The following CDH1 variants were observed in gnomAD, a reference collection of about 807,000 sequenced individuals.
CDH1 encodes cadherin-1.
A neutral mutation model predicts 84.5 loss-of-function variants in CDH1; 35 were observed. The observed-to-expected ratio is 0.41, with a 90% CI of 0.32 to 0.55. The LOEUF is 0.55. CDH1 is among the 20% of genes least tolerant of loss of function. The pLI, the probability that CDH1 is intolerant of heterozygous loss-of-function variation, is 0.19. For synonymous variants in CDH1, 417 were observed against 439.0 expected, an observed-to-expected ratio of 0.95 and a Z score of 0.63; for missense variants, 994 against 1,126.6, an observed-to-expected ratio of 0.88 and a Z score of 1.68.
intron 15 of CDH1, among the ~76,000 whole-genome samples, chr16:68,830,835 A>T (rs1345410827): frequency 6.6e-6 from 1 of 152,192 alleles, no homozygotes; most frequent in African/African-American, 2.4e-5. Flanking sequence ...GTTATTGGCC[A>T]GAACTATCAG....
intron 2 of CDH1, among the ~76,000 whole-genome samples, chr16:68,756,545 C>G (rs544028614): frequency 3.9e-5 from 6 of 152,240 alleles, no homozygotes; most frequent in African/African-American, 1.4e-4. Flanking sequence ...TCTCTGTTAG[C>G]TTCGTGCTAA....
At chr16:68,812,699 A>G (rs1281888999) in intron 8 of CDH1, among the ~76,000 whole-genome samples, 3 of 152,212 alleles carry the variant, frequency 2.0e-5, no homozygotes, top group Non-Finnish European at 4.4e-5. Flanking sequence ...AGGATATTAC[A>G]TGCATTCAAG....
chr16:68,829,387 A>G (rs536369148), intron 14 of CDH1, among the ~76,000 whole-genome samples: 1 of 152,304 alleles, frequency 6.6e-6, no homozygotes, highest in East Asian at 1.9e-4. Flanking sequence ...CAGTGATCTA[A>G]TCATCATGTC....
chr16:68,745,917 A>C (rs1246478161), intron 2 of CDH1, among the ~76,000 whole-genome samples: 5 of 152,138 alleles, frequency 3.3e-5, no homozygotes, highest in African/African-American at 9.7e-5. Context: ...TCCTGGCTTC[A>C]AGCAATTCTC....
chr16:68,788,075 C>T (rs1018882848), intron 2 of CDH1, among the ~76,000 whole-genome samples: 1 of 152,124 alleles, frequency 6.6e-6, no homozygotes, highest in Non-Finnish European at 1.5e-5. Flanking sequence ...GATTCGCCCT[C>T]CTTGGCCTCC....
intron 2 of CDH1, among the ~76,000 whole-genome samples, chr16:68,739,875 A>G (rs1470950438): frequency 6.6e-6 from 1 of 152,110 alleles, no homozygotes; most frequent in Non-Finnish European, 1.5e-5. Flanking sequence ...TCAATCTCCC[A>G]AAGTGCTGGG....
chr16:68,779,744 C>G (rs1489501767), intron 2 of CDH1, among the ~76,000 whole-genome samples: 1 of 152,192 alleles, frequency 6.6e-6, no homozygotes, highest in Non-Finnish European at 1.5e-5. Context: ...GTAGTCCCAG[C>G]TACTCGGGAG....
chr16:68,808,642 C>G (rs750161990), intron 4 of CDH1, 51 bp from the exon 5 acceptor site: 7 of 1,612,686 alleles, frequency 4.3e-6, no homozygotes, highest in African/African-American at 1.3e-5. Flanking sequence ...GGAAAAGACC[C>G]AGTGTTGGGA....
intron 2 of CDH1, among the ~76,000 whole-genome samples, chr16:68,753,168 G>A (rs547386229): frequency 1.8e-4 from 24 of 137,032 alleles, no homozygotes; most frequent in Admixed American, 3.1e-4. Context: ...AGCTGAGATC[G>A]CGCCACTGCA....
At chr16:68,780,305 T>C (rs1016608687) in intron 2 of CDH1, among the ~76,000 whole-genome samples, 2 of 152,102 alleles carry the variant, frequency 1.3e-5, no homozygotes, top group East Asian at 1.9e-4. Flanking sequence ...TTATTATTTT[T>C]TGTTTATTTA....
intron 2 of CDH1, among the ~76,000 whole-genome samples, chr16:68,773,861 C>G (rs1177839514): frequency 1.3e-5 from 2 of 152,144 alleles, no homozygotes; most frequent in Non-Finnish European, 2.9e-5. Flanking sequence ...ACAAAGATGG[C>G]CAAGACGAGA....
intron 2 of CDH1, among the ~76,000 whole-genome samples, chr16:68,758,387 G>A (rs752667472): frequency 6.6e-6 from 1 of 151,542 alleles, no homozygotes; most frequent in Non-Finnish European, 1.5e-5. Context: ...TAGCATGTGC[G>A]AAGTGCTTCC....
chr16:68,764,242 A>G (rs566450939), intron 2 of CDH1, among the ~76,000 whole-genome samples: 1 of 152,322 alleles, frequency 6.6e-6, no homozygotes, highest in South Asian at 2.1e-4. Context: ...GAGTCATCCC[A>G]GATGACATTT....
Position 68,808,341 on chromosome 16 carries a change from G to C in CDH1, c.388-83G>C, listed in dbSNP as rs140449923. The C allele has an allele frequency of 4.8e-5, 68 of 1,411,784 alleles. No homozygotes were observed. In the African/African-American group the frequency reaches 7.9e-4, roughly 16 times the overall value. 87.5% of individuals were successfully genotyped at this position (1,411,784 alleles called of 1,614,324 possible). On this transcript the variant is annotated intron_variant, in intron 3 of 15. Transcript: ENST00000261769. ...ACACTGCCCACAGAAGGCTGGGGAC[G>C]CTGTCTGGCTAGGTTGGACTGTTAG...
intron 2 of CDH1, among the ~76,000 whole-genome samples, chr16:68,757,046 G>C (rs940326547): frequency 6.6e-6 from 1 of 152,126 alleles, no homozygotes; most frequent in Non-Finnish European, 1.5e-5. Flanking sequence ...TCTACTCCTT[G>C]AGGTTTTTGG....
intron 10 of CDH1, among the ~76,000 whole-genome samples, chr16:68,816,964 G>T (rs1326256528): frequency 6.6e-6 from 1 of 152,298 alleles, no homozygotes; most frequent in East Asian, 1.9e-4. Context: ...TTGAAAGCTT[G>T]CAGTAGTGAA....
intron 8 of CDH1, 35 bp from the exon 9 acceptor site, chr16:68,813,278 G>T (rs1960887776): frequency 6.2e-7 from 1 of 1,609,384 alleles, no homozygotes; most frequent in South Asian, 1.1e-5. Context: ...AGCAGTCTTG[G>T]TACTTTGTAA....
intron 2 of CDH1, among the ~76,000 whole-genome samples, chr16:68,770,621 G>A (rs1306029990): frequency 6.6e-6 from 1 of 151,914 alleles, no homozygotes; most frequent in Non-Finnish European, 1.5e-5. Context: ...GGGTAGTGGT[G>A]CAGGGCCCCT....
At chr16:68,793,532 T>A (rs918787905) in intron 2 of CDH1, among the ~76,000 whole-genome samples, 2 of 152,196 alleles carry the variant, frequency 1.3e-5, no homozygotes, top group Admixed American at 6.5e-5. Context: ...AGCATCAGAC[T>A]ACAGCTTCCG....
Sources: gnomAD v4.1 joint callset for allele counts (sites outside exome capture counted in the v4.1 genomes callset) on GRCh38, gnomAD v4.1.1 for gene constraint, MANE v1.5 for transcripts, NCBI Gene and HGNC (gene_info 2026-07-23, HGNC 2026-07-21) for gene names.